FAM13A: variants seen among roughly 807,000 people sequenced by gnomAD.
FAM13A encodes the protein protein FAM13A.
Under a neutral mutation model 129.6 loss-of-function variants are expected in FAM13A, and 76 were observed. The ratio of observed to expected loss-of-function variants is 0.59; its 90% CI spans 0.49 to 0.71. The LOEUF is 0.71. Ranked by LOEUF, FAM13A falls within the 30% of genes least tolerant of loss-of-function variation. The probability of loss-of-function intolerance (pLI) is 0.00; values close to 1 mark genes in which losing one functional copy is unlikely to be tolerated. For missense variants in FAM13A, 1,108 were observed against 1,249.3 expected (o/e 0.89, Z 1.70); for synonymous variants, 443 against 449.9 (o/e 0.98, Z 0.20).
intron 4 of FAM13A, among the ~76,000 whole-genome samples, chr4:88,981,421 T>C (rs1435825600): frequency 6.6e-6 from 1 of 152,172 alleles, no homozygotes; most frequent in Non-Finnish European, 1.5e-5. Context: ...ATAAAAAATA[T>C]TTAGGTATTT....
intron 1 of FAM13A, among the ~76,000 whole-genome samples, chr4:89,051,921 G>T (rs72665892): frequency 0.14 from 21,737 of 152,174 alleles, 1,725 homozygotes; most frequent in Non-Finnish European, 0.18. Flanking sequence ...GGCAGAGGTT[G>T]AGCCCCTAAG....
chr4:88,876,562 C>T (rs763418626), intron 6 of FAM13A, among the ~76,000 whole-genome samples: 63 of 152,108 alleles, frequency 4.1e-4, no homozygotes, highest in Non-Finnish European at 5.3e-4. Flanking sequence ...TCAGATTTGT[C>T]TTCTTAATAT....
At chr4:88,742,849 G>C (rs996785286) in intron 19 of FAM13A, among the ~76,000 whole-genome samples, 1 of 152,168 alleles carries the variant, frequency 6.6e-6, no homozygotes, top group Non-Finnish European at 1.5e-5. Context: ...CTCAGCCTCA[G>C]TTTCCTGAAT....
chr4:89,017,864 T>C (rs907695594), intron 3 of FAM13A, among the ~76,000 whole-genome samples: 1 of 152,140 alleles, frequency 6.6e-6, no homozygotes, highest in African/African-American at 2.4e-5. Context: ...GCCTCGAACA[T>C]GTCACTCACT....
chr4:88,730,081 A>G (rs1002623221), intron 23 of FAM13A: 2 of 152,240 alleles, frequency 1.3e-5, no homozygotes, highest in Non-Finnish European at 2.9e-5. Flanking sequence ...ACTGAAATAC[A>G]ATATATTTTA....
At chr4:88,746,311 A>C (rs1171432505) in intron 19 of FAM13A, among the ~76,000 whole-genome samples, 1 of 152,124 alleles carries the variant, frequency 6.6e-6, no homozygotes, top group East Asian at 1.9e-4. Context: ...CTATCATGCT[A>C]CCGTTTCCCC....
At chr4:88,975,389 C>T (rs1455818535) in intron 4 of FAM13A, among the ~76,000 whole-genome samples, 1 of 152,114 alleles carries the variant, frequency 6.6e-6, no homozygotes, top group African/African-American at 2.4e-5. Context: ...AAAAATTTGC[C>T]ACTGAATTCT....
At chr4:88,983,934 T>C (rs77131120) in intron 4 of FAM13A, among the ~76,000 whole-genome samples, 1,885 of 152,314 alleles carry the variant, frequency 0.012, 56 homozygotes, top group African/African-American at 0.043. Flanking sequence ...CAAAATACTA[T>C]GGTACTGACA....
intron 5 of FAM13A, among the ~76,000 whole-genome samples, chr4:88,922,657 C>T (rs1751329400): frequency 6.6e-6 from 1 of 152,012 alleles, no homozygotes; most frequent in Admixed American, 6.6e-5. Flanking sequence ...AAAGCAAGAG[C>T]AAACACATTC....
chr4:88,750,255 C>T (rs1240999982), intron 15 of FAM13A, among the ~76,000 whole-genome samples, 169 bp downstream of exon 15: 1 of 152,102 alleles, frequency 6.6e-6, no homozygotes, highest in African/African-American at 2.4e-5. Flanking sequence ...GGCCACAGCT[C>T]AAATGGGAAA....
rs576198051 is a variant in FAM13A at position 88,998,766 on chromosome 4, G to A, written c.428-7616C>T. On this transcript the variant is annotated intron_variant, in intron 3 of 23. Transcript: ENST00000264344. Reference sequence around the variant, plus strand: ...ATGCCAGCTGTACAGAATCAGACTGGGTTTTACCTCCGCATTTCATTCCCC... The same window carrying A: ...ATGCCAGCTGTACAGAATCAGACTGAGTTTTACCTCCGCATTTCATTCCCC... 1.2e-4 allele frequency among the ~76,000 whole-genome samples: 18 copies of A among 152,202 alleles called. No homozygotes were observed. The South Asian group carries it at 3.7e-3, about 32-fold the overall frequency.
At chr4:88,960,962 G>A (rs576039252) in intron 4 of FAM13A, among the ~76,000 whole-genome samples, 1 of 152,272 alleles carries the variant, frequency 6.6e-6, no homozygotes, top group East Asian at 1.9e-4. Context: ...TCCTTAAGAA[G>A]CACAGAAAGT....
At chr4:88,918,748 C>T (rs1344560887) in intron 5 of FAM13A, among the ~76,000 whole-genome samples, 1 of 152,196 alleles carries the variant, frequency 6.6e-6, no homozygotes, top group Non-Finnish European at 1.5e-5. Context: ...TTCAACTAAG[C>T]TTTGTGGCAG....
chr4:88,997,165 T>G (rs1274387744), intron 3 of FAM13A, among the ~76,000 whole-genome samples: 7 of 152,230 alleles, frequency 4.6e-5, no homozygotes, highest in Non-Finnish European at 7.3e-5. Context: ...TTAACATATG[T>G]TAACTGCTTT....
chr4:88,750,550 C>G lies in FAM13A; in HGVS notation c.1814G>C (p.Arg605Pro). The change falls in exon 15 of 24, where the codon CGT (arginine) becomes CCT (proline). Residue 605 changes from arginine to proline, a missense_variant. Transcript: ENST00000264344. ...HLSPQAGRLI[R>P]QLLDEDSDPM... ...GTCGCTGTCTTCGTCCAGCAGCTGA[C>G]GGATCAGGCGCCCAGCCTGCGGCGA... The G allele has an allele frequency of 6.2e-7, 1 of 1,614,156 alleles. No homozygotes were observed.
At chr4:88,791,406 C>T (rs535594743) in intron 8 of FAM13A, among the ~76,000 whole-genome samples, 1 of 152,182 alleles carries the variant, frequency 6.6e-6, no homozygotes, top group African/African-American at 2.4e-5. Context: ...CCCCTCATGC[C>T]TGCACTTATG....
chr4:88,878,731 T>C (rs1259929033), intron 6 of FAM13A, among the ~76,000 whole-genome samples: 1 of 152,244 alleles, frequency 6.6e-6, no homozygotes, highest in Admixed American at 6.5e-5. Flanking sequence ...CTAGCATTTA[T>C]AGGCAATTTA....
Position 88,962,160 on chromosome 4 carries a change from A to C in FAM13A, c.606-23919T>G, listed in dbSNP as rs529958080. Among the ~76,000 whole-genome samples the C allele has an allele frequency of 5.9e-5, 9 of 152,260 alleles. No homozygotes were observed. In the South Asian group the frequency reaches 1.9e-3, roughly 32 times the overall value. On this transcript the variant is annotated intron_variant, in intron 4 of 23. Coordinates refer to ENST00000264344, the MANE Select transcript of FAM13A (RefSeq NM_014883.4). ...TCAATTTAAAAAATAAGTAAAAAAA[A>C]AAAATGAAATGAAATCTCAGCAAAA...
chr4:89,033,129 C>T (rs1193221345), intron 1 of FAM13A, among the ~76,000 whole-genome samples: 1 of 138,600 alleles, frequency 7.2e-6, no homozygotes. Flanking sequence ...ACAACACACA[C>T]ACACACACTC....
Sources: allele counts gnomAD v4.1 joint callset (sites outside exome capture counted in the v4.1 genomes callset), GRCh38; gene constraint gnomAD v4.1.1; transcripts MANE v1.5; gene names NCBI Gene and HGNC (gene_info 2026-07-23, HGNC 2026-07-21).